Variants in ARID1A observed in about 807,000 individuals in gnomAD.
ARID1A encodes AT-rich interaction domain 1A, also known as AT-rich interactive domain-containing protein 1A.
In ARID1A, 20 loss-of-function variants were observed where a neutral mutation model predicts 212.6. The ratio of observed to expected loss-of-function variants is 0.09; its 90% CI spans 0.07 to 0.14. The LOEUF (loss-of-function observed/expected upper bound fraction) is 0.14, where lower values mean the gene tolerates loss of function less well. Among genes scored for constraint, ARID1A ranks in the 10% least tolerant of loss-of-function variants. The probability of loss-of-function intolerance (pLI) is 1.00; values close to 1 mark genes in which losing one functional copy is unlikely to be tolerated. For missense variants in ARID1A, 2,587 were observed against 3,059.0 expected (o/e 0.85, Z 3.64); for synonymous variants, 1,376 against 1,222.1 (o/e 1.13, Z -2.63).
In ARID1A at chr1:26,775,674, T is replaced by A. The variant is rs764430928; in HGVS notation, c.5091T>A (p.Asp1697Glu). ...ALDTINILLY[D>E]DNSIMTFNLS... is the part of the protein sequence containing the mutation. Reference sequence around the variant, plus strand: ...ATACCATCAACATCCTGCTGTATGATGACAACAGCATCATGACCTTCAACC... The same window carrying A: ...ATACCATCAACATCCTGCTGTATGAAGACAACAGCATCATGACCTTCAACC... Residue 1697 changes from aspartate (D) to glutamate (E), a missense_variant, in exon 19 of 20, where the codon GAT becomes GAA. By Grantham distance (45) the Asp-to-Glu change is conservative. Transcript: ENST00000324856. The A allele has an allele frequency of 6.2e-7, 1 of 1,614,220 alleles. No individual in the cohort carries two copies. The highest frequency in any genetic ancestry group is 1.1e-5 in the South Asian group (1 of 91,080).
chr1:26,700,338 C>T (rs2080320356), intron 1 of ARID1A, among the ~76,000 whole-genome samples: 2 of 152,172 alleles, frequency 1.3e-5, no homozygotes, highest in Non-Finnish European at 2.9e-5. Context: ...ATTAACACAG[C>T]TAAGGTGATA....
chr1:26,768,477 T>G (rs995831264), intron 11 of ARID1A, among the ~76,000 whole-genome samples: 1 of 152,236 alleles, frequency 6.6e-6, no homozygotes, highest in African/African-American at 2.4e-5. Flanking sequence ...GAAATAACTT[T>G]GGCTTTCAGC....
chr1:26,704,339 G>A (rs954816249), intron 1 of ARID1A, among the ~76,000 whole-genome samples: 1 of 152,158 alleles, frequency 6.6e-6, no homozygotes, highest in Non-Finnish European at 1.5e-5. Context: ...CTGTAGTAAT[G>A]GTGGTTCAAC....
intron 4 of ARID1A, among the ~76,000 whole-genome samples, chr1:26,741,058 G>A (rs947565470): frequency 6.6e-6 from 1 of 152,218 alleles, no homozygotes; most frequent in Non-Finnish European, 1.5e-5. Flanking sequence ...ACCTGAGTCT[G>A]GATACAAGTT....
intron 3 of ARID1A, among the ~76,000 whole-genome samples, chr1:26,732,440 C>CA (rs1000138282): frequency 6.6e-6 from 1 of 152,170 alleles, no homozygotes; most frequent in African/African-American, 2.4e-5. Flanking sequence ...CATTTAACCC[C>CA]AAGAAACAGC....
Position 26,774,855 on chromosome 1 carries a change from G to A in ARID1A, c.4628G>A (p.Gly1543Asp), listed in dbSNP as rs2124121064. 6.2e-7 allele frequency: 1 copy of A among 1,606,124 alleles called. No homozygotes were observed. Among genetic ancestry groups the A allele is most frequent in the Non-Finnish European group, 8.5e-7 (1 of 1,174,812 alleles). The change falls in exon 18 of 20, where the codon GGC becomes GAC. Residue 1543 changes from glycine to aspartate, a missense_variant. By Grantham distance (94) the Gly-to-Asp change is moderately conservative. Transcript: ENST00000324856. This position sits in a 1 kb window ranked among gnomAD's most constrained non-coding sequence, Gnocchi z 5.6. ...ACAGATCAGAGGGCCAACCACGAAG[G>A]CTCGTGGCCTTCCCATGGCACACGC... ...LHTDQRANHEGSWPSHGTRQP... is the reference protein window; with the variant it reads ...LHTDQRANHEDSWPSHGTRQP...
At position 26,767,971 on chromosome 1, in the gene ARID1A, C is replaced by G. The variant is rs2124087644; in HGVS notation, c.3170C>G (p.Ser1057Cys). 6.2e-7 allele frequency: 1 copy of G among 1,613,808 alleles called. No homozygotes were observed. The change falls in exon 11 of 20, where the codon TCT (serine) becomes TGT (cysteine). Residue 1057 changes from serine to cysteine, a missense_variant. Physicochemically the swap from Ser to Cys is moderately radical, Grantham distance 112 (BLOSUM62 -1). Coordinates refer to ENST00000324856, the MANE Select transcript of ARID1A (RefSeq NM_006015.6). ...KPLDLYRLYV[S>C]VKEIGGLTQV... is the part of the protein sequence containing the mutation. Reference sequence around the variant, plus strand: ...CTGGACCTCTATCGCCTCTATGTGTCTGTGAAGGAGATTGGTGGATTGACT... The same window carrying G: ...CTGGACCTCTATCGCCTCTATGTGTGTGTGAAGGAGATTGGTGGATTGACT...
At chr1:26,754,682 T>C (rs994475822) in intron 4 of ARID1A, among the ~76,000 whole-genome samples, 5 of 152,210 alleles carry the variant, frequency 3.3e-5, no homozygotes, top group Admixed American at 6.5e-5. Context: ...TCAGTTCATA[T>C]AGTGTCACAA....
chr1:26,723,319 C>T (rs2080582979), intron 1 of ARID1A, among the ~76,000 whole-genome samples: 1 of 152,134 alleles, frequency 6.6e-6, no homozygotes, highest in African/African-American at 2.4e-5. Context: ...CTTGCCCCTG[C>T]CTGGAATGCC....
chr1:26,750,067 C>T (rs1002676720), intron 4 of ARID1A, among the ~76,000 whole-genome samples: 47 of 152,248 alleles, frequency 3.1e-4, no homozygotes, highest in African/African-American at 1.1e-3. Context: ...TGCTCTGGTC[C>T]CACAGGCTAG....
At chr1:26,755,235 G>A (rs1005623134) in intron 4 of ARID1A, among the ~76,000 whole-genome samples, 14 of 152,194 alleles carry the variant, frequency 9.2e-5, no homozygotes, top group Non-Finnish European at 5.9e-5. Context: ...GTAGTTAATC[G>A]TAAATGATTT....
intron 11 of ARID1A, chr1:26,770,856 G>T: frequency 8.5e-6 from 4 of 468,954 alleles, no homozygotes; most frequent in Non-Finnish European, 1.5e-5. Context: ...TCTGAATTCT[G>T]TTCCAGTAGT....
At chr1:26,698,699 A>G (rs1054714572) in intron 1 of ARID1A, among the ~76,000 whole-genome samples, 2 of 152,218 alleles carry the variant, frequency 1.3e-5, no homozygotes, top group African/African-American at 2.4e-5. Context: ...GATGGTATAA[A>G]TGACTTCTTT....
intron 2 of ARID1A, 63 bp from the exon 3 acceptor site, chr1:26,731,089 A>G: frequency 6.6e-7 from 1 of 1,523,930 alleles, no homozygotes. Flanking sequence ...GCTTCTCACA[A>G]AACACTTCAT....
rs751086005 is a variant in ARID1A at position 26,697,240 on chromosome 1, C to G, written c.837C>G (p.Pro279=). ...TCGGGGCCATGGGGGGAGGCGGCCCCTCCGCGGCCGGCGGGGGAACTCCCC... is the reference window on the plus strand; with the variant it reads ...TCGGGGCCATGGGGGGAGGCGGCCCGTCCGCGGCCGGCGGGGGAACTCCCC... The part of the protein sequence containing the change: ...QRFGAMGGGG[P]SAAGGGTPQP... The change falls in exon 1 of 20, where the codon CCC becomes CCG. Residue 279 remains proline, a synonymous_variant. Transcript: ENST00000324856. 66 of 1,373,450 alleles carry G rather than the reference C, an allele frequency of 4.8e-5. No individual in the cohort carries two copies. The highest frequency in any genetic ancestry group is 6.0e-5 in the Non-Finnish European group (64 of 1,070,496). The allele number at this position is 1,373,450 out of a possible 1,614,324, so 85.1% of individuals were successfully genotyped here.
In ARID1A at chr1:26,779,814, C is replaced by G. The variant is rs528872143; in HGVS notation, c.5916C>G (p.Asp1972Glu). The change falls in exon 20 of 20, where the codon GAC (aspartate) becomes GAG (glutamate). Residue 1972 changes from aspartate to glutamate, a missense_variant. Asp to Glu is a conservative substitution (Grantham distance 45). Coordinates refer to ENST00000324856, the MANE Select transcript of ARID1A (RefSeq NM_006015.6). ...AGACCCCACTGTGTACCCTTCTGGA[C>G]TGGCAGGATTCTCTTGCCAAGCGCT... ...KDETPLCTLL[D>E]WQDSLAKRCV... 6.2e-6 allele frequency: 10 copies of G among 1,614,122 alleles called. No individual in the cohort carries two copies. The Admixed American group carries it at 1.3e-4, about 22-fold the overall frequency.
At chr1:26,745,918 G>T (rs898014513) in intron 4 of ARID1A, among the ~76,000 whole-genome samples, 1 of 152,170 alleles carries the variant, frequency 6.6e-6, no homozygotes, top group Non-Finnish European at 1.5e-5. Context: ...GGGCGTGGTG[G>T]CATGTGCTTG....
chr1:26,708,952 C>A (rs954220552), intron 1 of ARID1A, among the ~76,000 whole-genome samples: 4 of 152,074 alleles, frequency 2.6e-5, no homozygotes, highest in Admixed American at 6.5e-5. Flanking sequence ...GCTTCGGCCT[C>A]CCAAAGTGCT....
At position 26,762,955 on chromosome 1, in the gene ARID1A, G is replaced by C. The variant is rs34681611; in HGVS notation, c.2420-18G>C. On this transcript the variant is annotated intron_variant, in intron 7 of 19. Coordinates refer to ENST00000324856, the MANE Select transcript of ARID1A (RefSeq NM_006015.6). ...GCTAGTGAGTGACTAACCAAGTCTT[G>C]TCTTCCTCCCCTCCCAGGTGGCTAC... The C allele has an allele frequency of 0.071, 111,437 of 1,563,194 alleles. 4,348 individuals carry two copies. The highest frequency in any genetic ancestry group is 0.081 in the Non-Finnish European group (92,674 of 1,146,594).
Sources: allele counts gnomAD v4.1 joint callset (sites outside exome capture counted in the v4.1 genomes callset), GRCh38; gene constraint gnomAD v4.1.1; non-coding constraint Gnocchi (gnomAD v3.1); transcripts MANE v1.5; gene names NCBI Gene and HGNC (gene_info 2026-07-23, HGNC 2026-07-21).